The following GCLM variants were observed in gnomAD, a reference collection of about 807,000 sequenced individuals.
GCLM encodes glutamate--cysteine ligase regulatory subunit.
A neutral mutation model predicts 36.0 loss-of-function variants in GCLM; 15 were observed. The ratio of observed to expected loss-of-function variants is 0.42; its 90% CI spans 0.28 to 0.64. The LOEUF (loss-of-function observed/expected upper bound fraction) is 0.64, where lower values mean the gene tolerates loss of function less well. GCLM is among the 30% of genes least tolerant of loss of function. GCLM has a pLI of 0.25. For missense variants in GCLM, 242 were observed against 325.5 expected (o/e 0.74, Z 1.97); for synonymous variants, 129 against 122.8 (o/e 1.05, Z -0.34).
At chr1:93,899,028 G>A (rs930509737) in intron 3 of GCLM, among the ~76,000 whole-genome samples, 5 of 151,986 alleles carry the variant, frequency 3.3e-5, no homozygotes, top group African/African-American at 1.2e-4. Context: ...TGTGTATTCT[G>A]TGGCTTTTTT....
chr1:93,898,207 T>G (rs1035623941), intron 3 of GCLM, among the ~76,000 whole-genome samples: 5 of 150,814 alleles, frequency 3.3e-5, no homozygotes, highest in Non-Finnish European at 5.9e-5. Context: ...ATTTATATTT[T>G]TATGACTTAA....
At chr1:93,893,504 T>C (rs1420772431) in intron 6 of GCLM, among the ~76,000 whole-genome samples, 4 of 152,228 alleles carry the variant, frequency 2.6e-5, no homozygotes, top group African/African-American at 9.6e-5. Flanking sequence ...CCACTGATAT[T>C]GTGTCATCTT....
chr1:93,896,735 C>T lies in GCLM; in HGVS notation c.423G>A (p.Glu141=), dbSNP rs1411711478. ...ATTCCTCCCAGTAAGGCTGTAAATG[C>T]TCCAAGGAAAGATTAACTCCATCTT... ...PIEDGVNLSL[E]HLQPYWEELE... is the part of the protein sequence containing the mutation. The change falls in exon 5 of 7, where the codon GAG becomes GAA. Residue 141 remains glutamate (E), a synonymous_variant. Coordinates refer to ENST00000370238, the MANE Select transcript of GCLM (RefSeq NM_002061.4). The T allele has an allele frequency of 1.2e-6, 2 of 1,611,292 alleles. No individual in the cohort carries two copies. Among genetic ancestry groups the T allele is most frequent in the Non-Finnish European group, 1.7e-6 (2 of 1,177,514 alleles).
intron 6 of GCLM, among the ~76,000 whole-genome samples, chr1:93,890,368 G>T (rs1324874883): frequency 1.3e-5 from 2 of 151,958 alleles, no homozygotes; most frequent in Non-Finnish European, 2.9e-5. Context: ...AAATATACTA[G>T]TGTTATTATC....
At chr1:93,899,869 ATTTAC>A (rs1358568394) in intron 3 of GCLM, among the ~76,000 whole-genome samples, 2 of 152,164 alleles carry the variant, frequency 1.3e-5, no homozygotes, top group Admixed American at 1.3e-4. Flanking sequence ...ATATGTACAT[ATTTAC>A]TTTATGTAAA....
At chr1:93,897,116 C>A (rs1037868179) in intron 4 of GCLM, among the ~76,000 whole-genome samples, 4 of 152,170 alleles carry the variant, frequency 2.6e-5, no homozygotes, top group Admixed American at 2.0e-4. Flanking sequence ...AAAATTTCTT[C>A]TTGTTTCCTA....
At chr1:93,894,760 A>G (rs2234730) in intron 5 of GCLM, 32 bp from the exon 6 acceptor site, 18,001 of 969,486 alleles carry the variant, frequency 0.019, 240 homozygotes, top group Middle Eastern at 0.044. Context: ...TGATATCACT[A>G]CTAAATTAAA....
At chr1:93,903,591 T>G (rs1038137004) in intron 2 of GCLM, among the ~76,000 whole-genome samples, 1 of 152,152 alleles carries the variant, frequency 6.6e-6, no homozygotes, top group African/African-American at 2.4e-5. Context: ...GTGCTGGGAT[T>G]ATAGGCGTGA....
intron 3 of GCLM, among the ~76,000 whole-genome samples, chr1:93,900,340 A>G (rs1015216879): frequency 6.9e-6 from 1 of 145,780 alleles, no homozygotes; most frequent in African/African-American, 2.7e-5. Context: ...GATACCTATA[A>G]AAAAATCTCA....
At chr1:93,900,470 T>C (rs115412541) in intron 3 of GCLM, among the ~76,000 whole-genome samples, 425 of 152,260 alleles carry the variant, frequency 2.8e-3, no homozygotes, top group African/African-American at 9.5e-3. Flanking sequence ...AATGTGAAAT[T>C]AACAGGAAAA....
chr1:93,895,783 T>TTA (rs1656704770), intron 5 of GCLM, among the ~76,000 whole-genome samples: 1 of 152,170 alleles, frequency 6.6e-6, no homozygotes, highest in Non-Finnish European at 1.5e-5. Flanking sequence ...TTGTAGGTTA[T>TTA]TAGACCAGAG....
In GCLM at chr1:93,888,563, G is replaced by A. The variant is rs1656408826; in HGVS notation, c.*427C>T. 1.3e-5 allele frequency: 2 copies of A among 152,580 alleles called. No homozygotes were observed. The highest frequency in any genetic ancestry group is 4.8e-5 in the African/African-American group (2 of 41,404). 9.5% of individuals were successfully genotyped at this position (152,580 alleles called of 1,614,324 possible). A position where few individuals can be genotyped will look rare whatever the true frequency, so the allele number is the denominator to read the frequency against. ...AAAAATATCTTCTTCCAGTATTTCA[G>A]TTTTAACAATTGTAATTAAATTGCT... On this transcript the variant is annotated 3_prime_UTR_variant, in exon 7 of 7. Coordinates refer to ENST00000370238, the MANE Select transcript of GCLM (RefSeq NM_002061.4).
chr1:93,891,047 AATTATT>A (rs558825259), intron 6 of GCLM, among the ~76,000 whole-genome samples: 9 of 151,338 alleles, frequency 5.9e-5, no homozygotes, highest in Non-Finnish European at 1.2e-4. Flanking sequence ...CAGCTAATTT[AATTATT>A]ATTATTATTA....
rs530107264 is a variant in GCLM, at chr1:93,891,494, G to A, written c.656-2335C>T. 3.3e-5 allele frequency among the ~76,000 whole-genome samples: 5 copies of A among 152,216 alleles called. No homozygotes were observed. The East Asian group carries it at 9.6e-4, about 29-fold the overall frequency. On this transcript the variant is annotated intron_variant, in intron 6 of 6. Coordinates refer to ENST00000370238, the MANE Select transcript of GCLM (RefSeq NM_002061.4). ...TAACTTGGATACTCTTTCTCCTTCA[G>A]CCAAGTTATCTCCATAGCATATACT... is the stretch of plus-strand genomic sequence containing the variant.
At position 93,886,468 on chromosome 1, in the gene GCLM, CAT is replaced by C. The variant is rs1656306457; in HGVS notation, c.*2520_*2521del. On this transcript the variant is annotated 3_prime_UTR_variant, in exon 7 of 7. Transcript: ENST00000370238. ...AAGATGTGAACATCAGCCTGGAAAA[CAT>C]ATATAAAGCCTTAAAAATCAGTGTT... The C allele has an allele frequency of 6.6e-6, 1 of 151,958 alleles. No homozygotes were observed. Among genetic ancestry groups the C allele is most frequent in the African/African-American group, 2.4e-5 (1 of 41,376 alleles). The allele number at this position is 151,958 out of a possible 1,614,324, so 9.4% of individuals were successfully genotyped here. A position where few individuals can be genotyped will look rare whatever the true frequency, so the allele number is the denominator to read the frequency against.
Position 93,909,200 on chromosome 1 carries a change from TGCGGGCGG to T in GCLM, c.-45_-38del. 1.2e-5 allele frequency: 14 copies of T among 1,175,280 alleles called. No individual in the cohort carries two copies. The highest frequency in any genetic ancestry group is 1.5e-5 in the Non-Finnish European group (14 of 954,136). 72.8% of individuals were successfully genotyped at this position (1,175,280 alleles called of 1,614,324 possible). ...CCCAGGGGCCGCGCAGCGAAGGGGC[TGCGGGCGG>T]GCGGGCAGGCAGGCGGCCGCCCCAC... On this transcript the variant is annotated 5_prime_UTR_variant, in exon 1 of 7. Coordinates refer to ENST00000370238, the MANE Select transcript of GCLM (RefSeq NM_002061.4).
chr1:93,909,255 G>T lies in GCLM; in HGVS notation c.-92C>A. On this transcript the variant is annotated 5_prime_UTR_variant, in exon 1 of 7. Coordinates refer to ENST00000370238, the MANE Select transcript of GCLM (RefSeq NM_002061.4). ...CCACAGGACGCGGTGCCCGAGGCCCGAGAGAGACCCGAGAGGGAGCGCGAG... is the reference window on the plus strand; with the variant it reads ...CCACAGGACGCGGTGCCCGAGGCCCTAGAGAGACCCGAGAGGGAGCGCGAG... The T allele has an allele frequency of 9.2e-7, 1 of 1,089,020 alleles. No individual in the cohort carries two copies. The highest frequency in any genetic ancestry group is 1.1e-6 in the Non-Finnish European group (1 of 898,856). 67.5% of individuals were successfully genotyped at this position (1,089,020 alleles called of 1,614,324 possible).
At chr1:93,905,743 T>C (rs1032024490) in intron 1 of GCLM, among the ~76,000 whole-genome samples, 3 of 152,172 alleles carry the variant, frequency 2.0e-5, no homozygotes, top group Non-Finnish European at 4.4e-5. Context: ...CCTATATACA[T>C]ATAATGGAAC....
intron 1 of GCLM, among the ~76,000 whole-genome samples, chr1:93,905,063 C>T (rs1442380372): frequency 1.3e-5 from 2 of 149,720 alleles, no homozygotes; most frequent in East Asian, 2.0e-4. Flanking sequence ...AGTAGCTACT[C>T]GGGTGGCTGA....
Sources: allele counts gnomAD v4.1 joint callset (sites outside exome capture counted in the v4.1 genomes callset), GRCh38; gene constraint gnomAD v4.1.1; transcripts MANE v1.5; gene names NCBI Gene and HGNC (gene_info 2026-07-23, HGNC 2026-07-21).